Variants in TMEM223 observed in about 807,000 individuals in gnomAD.
TMEM223 encodes transmembrane protein 223.
A neutral mutation model predicts 14.1 loss-of-function variants in TMEM223; 14 were observed. That is an observed-to-expected ratio of 0.99 (90% CI 0.66 to 1.55). The LOEUF is 1.55. Ranked by LOEUF, TMEM223 falls within the 40% of genes most tolerant of loss-of-function variation. TMEM223 has a pLI of 0.00. For missense variants in TMEM223, 346 were observed against 269.9 expected (o/e 1.28, Z -1.97); for synonymous variants, 145 against 120.5 (o/e 1.20, Z -1.33).
At chr11:62,788,658 G>T (rs941301695), downstream of TMEM223, among the ~76,000 whole-genome samples, 3 of 147,554 alleles carry the variant, frequency 2.0e-5, no homozygotes, top group Non-Finnish European at 4.5e-5. Context: ...GAGCCGAGAT[G>T]GCGCCACTGC....
At chr11:62,786,813 A>G, downstream of TMEM223, 1 of 1,607,340 alleles carries the variant, frequency 6.2e-7, no homozygotes, top group South Asian at 1.1e-5. Flanking sequence ...GCCAGCCTGC[A>G]CCCACGGCTC....
At chr11:62,787,573 C>A, downstream of TMEM223, 1 of 1,487,636 alleles carries the variant, frequency 6.7e-7, no homozygotes, top group Non-Finnish European at 8.9e-7. Flanking sequence ...GCTGGCCGGT[C>A]TGGACATGGC....
At chr11:62,780,513 A>G (rs2084220764) in intron 1 of TMEM223, among the ~76,000 whole-genome samples, 2 of 151,838 alleles carry the variant, frequency 1.3e-5, no homozygotes, top group Admixed American at 1.3e-4. Flanking sequence ...CTTCATCTCA[A>G]AAAAAAAGAT....
downstream of TMEM223, chr11:62,787,332 G>GC (rs750969404): frequency 3.7e-5 from 57 of 1,522,416 alleles, no homozygotes; most frequent in South Asian, 4.6e-4. Context: ...AATAAATCCC[G>GC]CCCCCGGAAA....
At chr11:62,781,432 G>C (rs1261683797) in intron 1 of TMEM223, among the ~76,000 whole-genome samples, 2 of 152,096 alleles carry the variant, frequency 1.3e-5, no homozygotes, top group East Asian at 3.9e-4. Context: ...CCAGCACTTT[G>C]GGAGGCTGAG....
Position 62,790,865 on chromosome 11 carries a change from A to G in TMEM223, c.367T>C (p.Ser123Pro). 6.2e-7 allele frequency: 1 copy of G among 1,605,416 alleles called. No homozygotes were observed. The highest frequency in any genetic ancestry group is 1.7e-5 in the Admixed American group (1 of 58,554). ...TGCCCTCCAGCTCGAAGCACCACTGAGCGCACAGACCGGAGAGAGAAGAGA... is the reference window on the plus strand; with the variant it reads ...TGCCCTCCAGCTCGAAGCACCACTGGGCGCACAGACCGGAGAGAGAAGAGA... ...GLLFSLRSVR[S>P]VVLRAGGQQV... The change falls in exon 2 of 2, where the codon TCA becomes CCA. Residue 123 changes from serine to proline, a missense_variant. Transcript: ENST00000307366.
chr11:62,789,128 G>A (rs911734718), downstream of TMEM223: 6 of 1,613,900 alleles, frequency 3.7e-6, no homozygotes, highest in African/African-American at 6.7e-5. Context: ...CTTTGTAGCT[G>A]GGGCCTCTGG....
In TMEM223 at chr11:62,790,696, A is replaced by G. The variant is rs767411661; in HGVS notation, c.536T>C (p.Leu179Pro). 2 of 1,612,204 alleles carry G rather than the reference A, an allele frequency of 1.2e-6. No homozygotes were observed. Among genetic ancestry groups the G allele is most frequent in the Non-Finnish European group, 1.7e-6 (2 of 1,179,064 alleles). ...AGGGAAGTGTCCAGTTTTGTCCAAG[A>G]GGAAATAGAAGCGTCGGCCTTTGAC... ...LKVKGRRFYF[L>P]LDKTGHFPNT... is the part of the protein sequence containing the mutation. Residue 179 changes from leucine to proline, a missense_variant, in exon 2 of 2, where the codon CTC becomes CCC. Physicochemically the swap from Leu to Pro is moderately conservative, Grantham distance 98. Transcript: ENST00000307366.
downstream of TMEM223, chr11:62,789,440 G>C (rs200272560): frequency 5.6e-6 from 9 of 1,613,680 alleles, no homozygotes; most frequent in Non-Finnish European, 7.6e-6. Flanking sequence ...ATGGGAGAGG[G>C]AGGGAAGCCT....
intron 1 of TMEM223, among the ~76,000 whole-genome samples, chr11:62,781,245 A>AAAAAAAG (rs59344445): frequency 0.14 from 20,775 of 150,978 alleles, 2,416 homozygotes; most frequent in African/African-American, 0.32. Flanking sequence ...CAAAGAAAAA[A>AAAAAAAG]AAAAAAGAAA....
At chr11:62,788,811 T>C (rs1283028191), downstream of TMEM223, among the ~76,000 whole-genome samples, 1 of 152,158 alleles carries the variant, frequency 6.6e-6, no homozygotes, top group African/African-American at 2.4e-5. Flanking sequence ...TCTATATTCA[T>C]TGCCTATTTT....
At chr11:62,786,844 A>G (rs2084283513), downstream of TMEM223, 3 of 1,598,866 alleles carry the variant, frequency 1.9e-6, no homozygotes, top group South Asian at 1.1e-5. Context: ...CGGGGACAAG[A>G]AGGAGCCGGC....
At chr11:62,786,915 G>A (rs1166244872), downstream of TMEM223, 1 of 1,499,102 alleles carries the variant, frequency 6.7e-7, no homozygotes, top group Admixed American at 2.2e-5. Flanking sequence ...TAGTCAGCCC[G>A]CACGGCGACG....
chr11:62,788,497 G>A (rs1016736808), downstream of TMEM223, among the ~76,000 whole-genome samples: 10 of 152,136 alleles, frequency 6.6e-5, no homozygotes, highest in Non-Finnish European at 1.2e-4. Context: ...GAGGTCAGGA[G>A]ATCAAGACCA....
chr11:62,773,571 G>T (rs1487719729), intron 2 of TMEM223, among the ~76,000 whole-genome samples: 2 of 151,218 alleles, frequency 1.3e-5, no homozygotes, highest in Admixed American at 6.6e-5. Flanking sequence ...CCTCAGCCTT[G>T]CGAGTAGCTG....
chr11:62,775,692 G>T (rs2084180784), intron 1 of TMEM223: 2 of 1,450,096 alleles, frequency 1.4e-6, no homozygotes, highest in Non-Finnish European at 1.8e-6. Context: ...AGCAAGGCTG[G>T]TGTGGAGGGT....
chr11:62,773,509 G>A (rs2084164699), intron 2 of TMEM223, among the ~76,000 whole-genome samples: 1 of 149,926 alleles, frequency 6.7e-6, no homozygotes, highest in South Asian at 2.1e-4. Flanking sequence ...GTGCACTGGT[G>A]CGATCTTGAC....
At chr11:62,786,980 CCT>C (rs1458192917), downstream of TMEM223, 4 of 1,452,360 alleles carry the variant, frequency 2.8e-6, no homozygotes, top group Non-Finnish European at 3.6e-6. Context: ...GGGCCCGCCG[CCT>C]CTGAGAGCAG....
At chr11:62,786,554 C>G, downstream of TMEM223, 2 of 1,556,868 alleles carry the variant, frequency 1.3e-6, no homozygotes, top group Non-Finnish European at 1.7e-6. Context: ...AAGGCCCAGG[C>G]AGCAGAGCCC....
Sources: allele counts gnomAD v4.1 joint callset (sites outside exome capture counted in the v4.1 genomes callset), GRCh38; gene constraint gnomAD v4.1.1; transcripts MANE v1.5; gene names NCBI Gene and HGNC (gene_info 2026-07-23, HGNC 2026-07-21).